DNAAF9: variants seen among roughly 807,000 people sequenced by gnomAD.
The protein encoded by DNAAF9 is shulin.
Under a neutral mutation model 167.0 loss-of-function variants are expected in DNAAF9, and 90 were observed. The observed-to-expected ratio is 0.54, with a 90% CI of 0.45 to 0.64. DNAAF9 has a LOEUF of 0.64. Among genes scored for constraint, DNAAF9 ranks in the 30% least tolerant of loss-of-function variants. DNAAF9 has a pLI of 0.00. For synonymous variants in DNAAF9, 491 were observed against 508.8 expected, an observed-to-expected ratio of 0.96 and a Z score of 0.47; for missense variants, 1,315 against 1,442.2, an observed-to-expected ratio of 0.91 and a Z score of 1.43.
chr20:3,259,055 C>T (rs2068332319), intron 33 of DNAAF9, among the ~76,000 whole-genome samples: 1 of 152,202 alleles, frequency 6.6e-6, no homozygotes, highest in Non-Finnish European at 1.5e-5. Context: ...GCCTACTAGT[C>T]AGAAGAGAGG....
In DNAAF9 at chr20:3,361,482, A is replaced by G. The variant is rs1382569314; in HGVS notation, c.613-1889T>C. Among the ~76,000 whole-genome samples, 4 of 152,232 alleles carry G rather than the reference A, an allele frequency of 2.6e-5. No individual in the cohort carries two copies. The South Asian group carries it at 8.3e-4, about 32-fold the overall frequency. ...AGGCTAGACGGCTGTTGTTGCAGGG[A>G]AAGTGGGAGGTGGGAGGGTAAGGGG... is the stretch of plus-strand genomic sequence containing the variant. On this transcript the variant is annotated intron_variant, in intron 6 of 36. Coordinates refer to ENST00000252032, the MANE Select transcript of DNAAF9 (RefSeq NM_001009984.3).
intron 7 of DNAAF9, among the ~76,000 whole-genome samples, chr20:3,353,829 C>T (rs187871502): frequency 2.6e-5 from 4 of 152,136 alleles, no homozygotes; most frequent in Admixed American, 2.6e-4. Context: ...AGGTGAAAAA[C>T]GCAGTGTGCT....
chr20:3,308,075 CT>C (rs1353598694), intron 20 of DNAAF9, among the ~76,000 whole-genome samples: 1 of 152,092 alleles, frequency 6.6e-6, no homozygotes, highest in Non-Finnish European at 1.5e-5. Flanking sequence ...TTGAAACCCC[CT>C]GGATGTCCTT....
intron 10 of DNAAF9, among the ~76,000 whole-genome samples, chr20:3,333,219 C>G (rs1302785256): frequency 1.3e-5 from 2 of 152,088 alleles, no homozygotes; most frequent in Admixed American, 1.3e-4. Context: ...ATAAGTTCCT[C>G]TAGGTTTTCA....
At chr20:3,388,634 T>C (rs964260057) in intron 1 of DNAAF9, among the ~76,000 whole-genome samples, 6 of 152,180 alleles carry the variant, frequency 3.9e-5, no homozygotes, top group Admixed American at 6.5e-5. Flanking sequence ...TTCTGACACA[T>C]GCTACAATAT....
At chr20:3,271,817 C>A (rs921115575) in intron 29 of DNAAF9, among the ~76,000 whole-genome samples, 4 of 151,974 alleles carry the variant, frequency 2.6e-5, no homozygotes, top group Admixed American at 2.6e-4. Flanking sequence ...GATGGGGTTT[C>A]TCCATGTTGG....
intron 11 of DNAAF9, 74 bp from the exon 12 acceptor site, chr20:3,330,756 C>G (rs942921473): frequency 2.6e-6 from 2 of 779,314 alleles, no homozygotes; most frequent in Non-Finnish European, 4.2e-6. Flanking sequence ...GCTAGAAATG[C>G]TTAATTTACC....
chr20:3,373,871 G>A (rs1183652671), intron 6 of DNAAF9, among the ~76,000 whole-genome samples, 177 bp downstream of exon 6: 1 of 152,202 alleles, frequency 6.6e-6, no homozygotes, highest in Non-Finnish European at 1.5e-5. Flanking sequence ...CAGGACCTCA[G>A]TCTGGGACTA....
intron 23 of DNAAF9, chr20:3,295,468 T>G (rs2069054339): frequency 6.7e-6 from 2 of 298,760 alleles, no homozygotes; most frequent in South Asian, 3.1e-5. Flanking sequence ...CGTGAACCAC[T>G]GCGCCTGACC....
intron 6 of DNAAF9, among the ~76,000 whole-genome samples, chr20:3,370,708 G>A (rs75529878): frequency 0.048 from 7,299 of 152,104 alleles, 269 homozygotes; most frequent in African/African-American, 0.1. Context: ...GCGCCCAGCC[G>A]TGCCCGACTA....
At chr20:3,387,969 G>C (rs2083773366) in intron 1 of DNAAF9, among the ~76,000 whole-genome samples, 1 of 149,422 alleles carries the variant, frequency 6.7e-6, no homozygotes, top group African/African-American at 2.5e-5. Flanking sequence ...ATGAGGCTAA[G>C]GTAAGAGGAT....
intron 1 of DNAAF9, among the ~76,000 whole-genome samples, chr20:3,405,555 G>A (rs1333620398): frequency 6.6e-6 from 1 of 152,198 alleles, no homozygotes; most frequent in East Asian, 1.9e-4. Flanking sequence ...GGGGTTCCTT[G>A]CACTATTCCT....
intron 30 of DNAAF9, among the ~76,000 whole-genome samples, chr20:3,268,391 C>T (rs1016114500): frequency 1.4e-5 from 2 of 147,392 alleles, no homozygotes; most frequent in Admixed American, 6.8e-5. Flanking sequence ...TGCAATGGTA[C>T]GATCTTGGCT....
chr20:3,327,490 C>T (rs2123066186), intron 12 of DNAAF9, among the ~76,000 whole-genome samples: 1 of 152,150 alleles, frequency 6.6e-6, no homozygotes, highest in Middle Eastern at 3.4e-3. Flanking sequence ...TCCAAGGGTC[C>T]CTGAAAGGCC....
chr20:3,273,075 C>T (rs1276171699), intron 29 of DNAAF9, among the ~76,000 whole-genome samples: 1 of 152,180 alleles, frequency 6.6e-6, no homozygotes, highest in Non-Finnish European at 1.5e-5. Context: ...AGGTGATCCA[C>T]CCGCCTCGGC....
At chr20:3,398,508 T>C (rs1471365089) in intron 1 of DNAAF9, among the ~76,000 whole-genome samples, 2 of 151,850 alleles carry the variant, frequency 1.3e-5, no homozygotes, top group African/African-American at 4.8e-5. Flanking sequence ...TTGAAAAGCA[T>C]TAAAAAAAAA....
intron 6 of DNAAF9, among the ~76,000 whole-genome samples, chr20:3,370,415 A>T (rs1274458710): frequency 1.4e-5 from 2 of 144,382 alleles, no homozygotes; most frequent in Admixed American, 6.9e-5. Context: ...TGCCTCGCTA[A>T]TTTTTTTTTT....
rs76289517 is a variant in DNAAF9 at position 3,327,876 on chromosome 20, G to A, written c.1101-1592C>T. On this transcript the variant is annotated intron_variant, in intron 12 of 36. Coordinates refer to ENST00000252032, the MANE Select transcript of DNAAF9 (RefSeq NM_001009984.3). Reference sequence around the variant, plus strand: ...TATCAACATATCCTGAAGACTTCTGGCCAGGCAAGGGCAGGGCAGAGGGTA... The same window carrying A: ...TATCAACATATCCTGAAGACTTCTGACCAGGCAAGGGCAGGGCAGAGGGTA... Among the ~76,000 whole-genome samples the A allele has an allele frequency of 1.2e-3, 187 of 152,294 alleles. 4 individuals carry two copies. In the East Asian group the frequency reaches 0.03, roughly 24 times the overall value.
At chr20:3,381,846 TCAAA>T (rs1193432540) in intron 2 of DNAAF9, among the ~76,000 whole-genome samples, 1 of 152,068 alleles carries the variant, frequency 6.6e-6, no homozygotes, top group African/African-American at 2.4e-5. Context: ...ACACTTGGGA[TCAAA>T]CAAAGGCAGA....
Sources: allele counts gnomAD v4.1 joint callset (sites outside exome capture counted in the v4.1 genomes callset), GRCh38; gene constraint gnomAD v4.1.1; transcripts MANE v1.5; gene names NCBI Gene and HGNC (gene_info 2026-07-23, HGNC 2026-07-21).